Variants in CNTLN observed in about 807,000 individuals in gnomAD.
The protein encoded by CNTLN is centlein.
Under a neutral mutation model 180.0 loss-of-function variants are expected in CNTLN, and 212 were observed. The ratio of observed to expected loss-of-function variants is 1.18; its 90% CI spans 1.05 to 1.32. The LOEUF (loss-of-function observed/expected upper bound fraction) is 1.32, where lower values mean the gene tolerates loss of function less well. Among genes scored for constraint, CNTLN ranks in the 40% most tolerant of loss-of-function variants. The pLI is 0.00. For synonymous variants in CNTLN, 722 were observed against 563.1 expected, an observed-to-expected ratio of 1.28 and a Z score of -3.99; for missense variants, 2,095 against 1,610.9, an observed-to-expected ratio of 1.30 and a Z score of -5.14.
intron 5 of CNTLN, among the ~76,000 whole-genome samples, chr9:17,260,181 G>T (rs557833778): frequency 5.4e-4 from 80 of 147,738 alleles, no homozygotes; most frequent in Middle Eastern, 3.5e-3. Context: ...TTATGTCTTT[G>T]TTCTCTTTGG....
intron 2 of CNTLN, among the ~76,000 whole-genome samples, chr9:17,209,465 G>A (rs888842122): frequency 4.6e-5 from 7 of 152,140 alleles, no homozygotes; most frequent in Non-Finnish European, 8.8e-5. Flanking sequence ...GAAGTCCAGT[G>A]TTTCTTTGTT....
intron 2 of CNTLN, among the ~76,000 whole-genome samples, chr9:17,148,320 T>C (rs1818598354): frequency 6.6e-6 from 1 of 152,236 alleles, no homozygotes; most frequent in African/African-American, 2.4e-5. Context: ...CTTAATTAGC[T>C]AACACTGAAC....
In CNTLN at chr9:17,445,260, T is replaced by C. The variant is rs184819986; in HGVS notation, c.3115-12264T>C. Among the ~76,000 whole-genome samples the C allele has an allele frequency of 2.4e-3, 366 of 152,266 alleles. 1 individual carries two copies. The highest frequency in any genetic ancestry group is 8.3e-3 in the African/African-American group (347 of 41,558). ...CTGCTGTTAAATTTGTAATGAGTTGTAGGGTTTTGAAATTCCCTGACTGGC... is the reference window on the plus strand; with the variant it reads ...CTGCTGTTAAATTTGTAATGAGTTGCAGGGTTTTGAAATTCCCTGACTGGC... On this transcript the variant is annotated intron_variant, in intron 18 of 25. Transcript: ENST00000380647.
At chr9:17,501,179 C>T (rs1833735670) in intron 25 of CNTLN, among the ~76,000 whole-genome samples, 1 of 152,100 alleles carries the variant, frequency 6.6e-6, no homozygotes, top group Admixed American at 6.6e-5. Flanking sequence ...AAGAAATGTG[C>T]TCTTTTGGTA....
At chr9:17,136,755 T>C (rs1817746807) in intron 1 of CNTLN, among the ~76,000 whole-genome samples, 1 of 152,218 alleles carries the variant, frequency 6.6e-6, no homozygotes. Flanking sequence ...TATGGTGCCC[T>C]CTTTTCGTTT....
intron 5 of CNTLN, among the ~76,000 whole-genome samples, chr9:17,264,820 C>G (rs1436084299): frequency 1.3e-5 from 2 of 151,846 alleles, no homozygotes; most frequent in African/African-American, 4.8e-5. Context: ...TGTGAGTTCA[C>G]TCATGATTTG....
chr9:17,416,286 G>T, intron 18 of CNTLN, 97 bp downstream of exon 18: 1 of 1,032,964 alleles, frequency 9.7e-7, no homozygotes, highest in South Asian at 1.9e-5. Context: ...GTGTTAGGCA[G>T]GTCTATGAGT....
chr9:17,261,628 G>A (rs1236789405), intron 5 of CNTLN, among the ~76,000 whole-genome samples: 6 of 151,336 alleles, frequency 4.0e-5, no homozygotes, highest in African/African-American at 1.2e-4. Context: ...AAGGGGTAAC[G>A]TGACTTCTTT....
intron 12 of CNTLN, among the ~76,000 whole-genome samples, chr9:17,360,630 A>G (rs1052582362): frequency 3.9e-5 from 6 of 152,218 alleles, no homozygotes; most frequent in African/African-American, 9.6e-5. Context: ...AGATGGGCTT[A>G]GGAGAAGGTT....
chr9:17,516,851 T>C, the CNTLN span, among the ~76,000 whole-genome samples: 2 of 152,158 alleles, frequency 1.3e-5, no homozygotes, highest in Admixed American at 1.3e-4. Context: ...TTTTGTCTCT[T>C]TGTTTTGTTG....
intron 18 of CNTLN, among the ~76,000 whole-genome samples, chr9:17,444,544 A>C (rs941429204): frequency 6.6e-6 from 1 of 152,160 alleles, no homozygotes; most frequent in Non-Finnish European, 1.5e-5. Context: ...GCCCCAACAA[A>C]TTTCCAAAAT....
At position 17,269,996 on chromosome 9, in the gene CNTLN, T is replaced by C. The variant is rs1827815365; in HGVS notation, c.850-3737T>C. ...AGAAAATCATCTGAGTTTTGCACAGTCATCTTTTATAATCTTGCTCAACTC... is the reference window on the plus strand; with the variant it reads ...AGAAAATCATCTGAGTTTTGCACAGCCATCTTTTATAATCTTGCTCAACTC... On this transcript the variant is annotated intron_variant, in intron 5 of 25. Coordinates refer to ENST00000380647, the MANE Select transcript of CNTLN (RefSeq NM_017738.4). 3.3e-5 allele frequency among the ~76,000 whole-genome samples: 5 copies of C among 152,308 alleles called. No individual in the cohort carries two copies. The South Asian group carries it at 1.0e-3, about 32-fold the overall frequency.
At chr9:17,477,676 G>A (rs998127861) in intron 23 of CNTLN, among the ~76,000 whole-genome samples, 1 of 152,194 alleles carries the variant, frequency 6.6e-6, no homozygotes, top group African/African-American at 2.4e-5. Context: ...CTGAATTGCT[G>A]CAATCTCAAA....
At chr9:17,279,546 G>A (rs984325067) in intron 6 of CNTLN, among the ~76,000 whole-genome samples, 3 of 151,958 alleles carry the variant, frequency 2.0e-5, no homozygotes, top group African/African-American at 7.2e-5. Context: ...ATAGTCTGAT[G>A]CTCCAGTTTG....
chr9:17,469,367 G>A (rs2499046), intron 23 of CNTLN, among the ~76,000 whole-genome samples: 136,710 of 151,614 alleles, frequency 0.9, 63,102 homozygotes, highest in Non-Finnish European at 1. Context: ...TACCATGTCT[G>A]CTGTATAACC....
rs1828220328 is a variant in CNTLN at position 17,416,086 on chromosome 9, C to T, written c.3011C>T (p.Thr1004Ile). The T allele has an allele frequency of 6.2e-7, 1 of 1,613,424 alleles. No homozygotes were observed. The highest frequency in any genetic ancestry group is 1.3e-5 in the African/African-American group (1 of 74,856). Residue 1004 changes from threonine (T) to isoleucine (I), a missense_variant, in exon 18 of 26, where the codon ACA (threonine) becomes ATA (isoleucine). Physicochemically the swap from Thr to Ile is moderately conservative, Grantham distance 89. Coordinates refer to ENST00000380647, the MANE Select transcript of CNTLN (RefSeq NM_017738.4). ...AGTGTACTTCAGAATGCCAAGAAAA[C>T]AGCAGAATTGTCTGTTAAAGAATAT... ...QNSVLQNAKKTAELSVKEYKE... is the reference protein window; with the variant it reads ...QNSVLQNAKKIAELSVKEYKE...
rs189514162 is a variant in CNTLN, at chr9:17,233,796, T to C, written c.535-1862T>C. Among the ~76,000 whole-genome samples, 206 of 152,280 alleles carry C rather than the reference T, an allele frequency of 1.4e-3. 3 individuals carry two copies. The highest frequency in any genetic ancestry group is 4.6e-3 in the African/African-American group (191 of 41,554). ...CAAAAATAGCAAGCTATGTAATATG[T>C]GTAATATGATTTAAGTTCAGAAGTA... On this transcript the variant is annotated intron_variant, in intron 3 of 25. Coordinates refer to ENST00000380647, the MANE Select transcript of CNTLN (RefSeq NM_017738.4).
downstream of CNTLN, among the ~76,000 whole-genome samples, chr9:17,504,288 T>C (rs1392323743): frequency 2.0e-5 from 3 of 152,150 alleles, no homozygotes; most frequent in East Asian, 5.8e-4. Flanking sequence ...ATTACCATAC[T>C]AAGCATTCAT....
At chr9:17,451,082 C>A (rs1830752084) in intron 18 of CNTLN, among the ~76,000 whole-genome samples, 1 of 152,012 alleles carries the variant, frequency 6.6e-6, no homozygotes, top group African/African-American at 2.4e-5. Context: ...ACCTGGACAG[C>A]ATGCAGAATT....
Sources: gnomAD v4.1 joint callset for allele counts (sites outside exome capture counted in the v4.1 genomes callset) on GRCh38, gnomAD v4.1.1 for gene constraint, MANE v1.5 for transcripts, NCBI Gene and HGNC (gene_info 2026-07-23, HGNC 2026-07-21) for gene names.